MBP: variants seen among roughly 807,000 people sequenced by gnomAD.
The protein encoded by MBP is Golli-MBP.
Under a neutral mutation model 35.8 loss-of-function variants are expected in MBP, and 16 were observed. The observed-to-expected ratio is 0.45, with a 90% CI of 0.30 to 0.68. The LOEUF (loss-of-function observed/expected upper bound fraction) is 0.68. Among genes scored for constraint, MBP ranks in the 30% least tolerant of loss-of-function variants. The pLI, the probability that MBP is intolerant of heterozygous loss-of-function variation, is 0.08. For missense variants in MBP, 380 were observed against 404.7 expected, an observed-to-expected ratio of 0.94 and a Z score of 0.52; for synonymous variants, 143 against 159.6, an observed-to-expected ratio of 0.90 and a Z score of 0.78.
intron 2 of MBP, among the ~76,000 whole-genome samples, chr18:77,075,963 T>C (rs1047398867): frequency 1.3e-5 from 2 of 152,234 alleles, no homozygotes; most frequent in African/African-American, 4.8e-5. Context: ...CTGAATATCA[T>C]ACCTTAATGC....
chr18:77,014,357 T>C lies in MBP; in HGVS notation c.576+2475A>G, dbSNP rs939256065. 1.9e-5 allele frequency: 19 copies of C among 985,004 alleles called. No individual in the cohort carries two copies. In the African/African-American group the frequency reaches 2.1e-4, roughly 11 times the overall value. The allele number at this position is 985,004 out of a possible 1,614,324, so 61.0% of individuals were successfully genotyped here. A position where few individuals can be genotyped will look rare whatever the true frequency, so the allele number is the denominator to read the frequency against. On this transcript the variant is annotated intron_variant, in intron 4 of 8. Transcript: ENST00000355994. ...ACAAACAGCCCCTTTTATAGGGTCA[T>C]GGGGGGGCTCCACTCAGAGTCTGGC...
rs372970991 is a variant in MBP at position 77,019,986 on chromosome 18, G to A, written c.140-2718C>T. Among the ~76,000 whole-genome samples, 166 of 152,292 alleles carry A rather than the reference G, an allele frequency of 1.1e-3. 2 individuals are homozygous for A. The South Asian group carries it at 0.015, about 13-fold the overall frequency. On this transcript the variant is annotated intron_variant, in intron 3 of 8. Transcript: ENST00000355994. ...ACTGACCATCTGTGAGCAACAGCAG[G>A]GGTATCACAGCCTTGATGGCTGTGA...
In MBP at chr18:77,029,266, T is replaced by G. The variant is rs1483637840; in HGVS notation, c.140-11998A>C. 1.7e-4 allele frequency among the ~76,000 whole-genome samples: 25 copies of G among 147,908 alleles called. 1 individual carries two copies. In the East Asian group the frequency reaches 4.6e-3, roughly 27 times the overall value. On this transcript the variant is annotated intron_variant, in intron 3 of 8. Coordinates refer to ENST00000355994, the MANE Select transcript of MBP (RefSeq NM_001025101.2). ...TCCACCAAAAAAATACGAAAACCAGTCAGGCGTGGCGGCGCGCGCCTGCAA... is the reference window on the plus strand; with the variant it reads ...TCCACCAAAAAAATACGAAAACCAGGCAGGCGTGGCGGCGCGCGCCTGCAA...
chr18:76,989,702 G>T lies in MBP; in HGVS notation c.681+254C>A. On this transcript the variant is annotated intron_variant, in intron 5 of 8. Transcript: ENST00000355994. This position sits in a 1 kb window ranked among gnomAD's most constrained non-coding sequence, Gnocchi z 4.0. ...TTTTTAGGCTAAGCGTTACATGGGA[G>T]CCTAATCTCAAGAGAAGTGAGCTCT... 2.2e-6 allele frequency: 1 copy of T among 462,364 alleles called. No homozygotes were observed. The allele number at this position is 462,364 out of a possible 1,614,324, so 28.6% of individuals were successfully genotyped here.
intron 4 of MBP, among the ~76,000 whole-genome samples, chr18:77,002,279 C>T (rs1207721222): frequency 6.6e-6 from 1 of 152,372 alleles, no homozygotes; most frequent in South Asian, 2.1e-4. Context: ...ATGCACCCAT[C>T]AGCACTCGGC....
intron 3 of MBP, among the ~76,000 whole-genome samples, chr18:77,039,995 A>G (rs923085740): frequency 2.4e-4 from 37 of 152,320 alleles, no homozygotes; most frequent in African/African-American, 7.9e-4. Flanking sequence ...CATTGTTCGT[A>G]GAGTAGGAAA....
chr18:77,052,183 A>C (rs11150998), intron 3 of MBP, among the ~76,000 whole-genome samples: 121,422 of 151,956 alleles, frequency 0.8, 54,191 homozygotes, highest in Non-Finnish European at 0.99. Context: ...CAACAGCCAC[A>C]CAACAGAGTC....
rs201474004 is a variant in MBP, at chr18:76,988,949, G to T, written c.682-37C>A. On this transcript the variant is annotated intron_variant, in intron 5 of 8. Transcript: ENST00000355994. The surrounding 1 kb of genome is among the most constrained non-coding windows in gnomAD (Gnocchi z 5.2). ...CAGAGAACCGTGGGCTGCACTGGGA[G>T]CCCTGTGCCGCCGTCCATTTCCTAA... The T allele has an allele frequency of 8.7e-6, 14 of 1,602,394 alleles. No homozygotes were observed. The South Asian group carries it at 1.5e-4, about 18-fold the overall frequency.
intron 2 of MBP, chr18:77,068,889 T>A (rs2144823463): frequency 2.2e-6 from 1 of 454,162 alleles, no homozygotes; most frequent in Admixed American, 2.4e-5. Flanking sequence ...GAATAAACAC[T>A]CTCAGCCTCT....
At chr18:77,036,841 G>T (rs28424014) in intron 3 of MBP, among the ~76,000 whole-genome samples, 1 of 141,534 alleles carries the variant, frequency 7.1e-6, no homozygotes, top group Non-Finnish European at 1.5e-5. Context: ...GCAAGTGCTG[G>T]TCACATTTTG....
rs977141398 is a variant in MBP, at chr18:77,131,977, A to G, written c.-26+603T>C. 7.2e-5 allele frequency among the ~76,000 whole-genome samples: 11 copies of G among 152,118 alleles called. No individual in the cohort carries two copies. Among genetic ancestry groups the G allele is most frequent in the Non-Finnish European group, 1.5e-4 (10 of 67,986 alleles). On this transcript the variant is annotated intron_variant, in intron 1 of 8. Transcript: ENST00000355994. This position sits in a 1 kb window ranked among gnomAD's most constrained non-coding sequence, Gnocchi z 5.5. ...CTGGCCGCCCCTGGAGCTCAGAGGG[A>G]GACTGCGCTTCGCCCCGGGGGCAGG...
chr18:77,089,363 A>G (rs1342605479), intron 2 of MBP, among the ~76,000 whole-genome samples: 2 of 152,244 alleles, frequency 1.3e-5, no homozygotes, highest in South Asian at 2.1e-4. Context: ...TTATCCAGGT[A>G]TGCCCTGATC....
rs550506606 is a variant in MBP, at chr18:77,101,563, GACCCTCA to G, written c.51+3641_51+3647del. Among the ~76,000 whole-genome samples the G allele has an allele frequency of 2.0e-3, 283 of 138,446 alleles. No individual in the cohort carries two copies. Among genetic ancestry groups the G allele is most frequent in the Admixed American group, 3.6e-3 (49 of 13,584 alleles). The allele number at this position is 138,446 out of a possible 152,430, so 90.8% of individuals were successfully genotyped here. ...GCCTGAATCTGATGTCTCCTGTTCT[GACCCTCA>G]ACTGGCCCAGGAAGGTGGCTCAACC... On this transcript the variant is annotated intron_variant, in intron 2 of 8. Coordinates refer to ENST00000355994, the MANE Select transcript of MBP (RefSeq NM_001025101.2). The surrounding 1 kb of genome is among the most constrained non-coding windows in gnomAD (Gnocchi z 4.3).
At chr18:77,014,195 A>T in intron 4 of MBP, 1 of 985,438 alleles carries the variant, frequency 1.0e-6, no homozygotes, top group Non-Finnish European at 1.2e-6. Context: ...ACTTTTCTTG[A>T]ATGTCAGCTC....
At chr18:77,081,104 TAG>T (rs1202481697) in intron 2 of MBP, among the ~76,000 whole-genome samples, 2 of 151,854 alleles carry the variant, frequency 1.3e-5, no homozygotes, top group African/African-American at 4.8e-5. Context: ...CACTCAGGAG[TAG>T]AGACTGACTG....
chr18:77,064,061 T>A (rs944479911), intron 3 of MBP, among the ~76,000 whole-genome samples: 1 of 152,252 alleles, frequency 6.6e-6, no homozygotes, highest in Non-Finnish European at 1.5e-5. Flanking sequence ...TAGAACTCAC[T>A]TTTATTTATG....
chr18:77,017,176 G>T lies in MBP; in HGVS notation c.232C>A (p.Gln78Lys). The change falls in exon 4 of 9, where the codon CAG becomes AAG. Residue 78 changes from glutamine (Q) to lysine (K), a missense_variant. Transcript: ENST00000355994. The stretch of plus-strand genomic sequence containing the variant: ...CCTGGGTCAGCTGGGTGGGCATCCT[G>T]CCAGGCATTCTTCGGGTCCGCTGTG... ...KRTADPKNAW[Q>K]DAHPADPGSR... 6.5e-7 allele frequency: 1 copy of T among 1,544,278 alleles called. No individual in the cohort carries two copies. The highest frequency in any genetic ancestry group is 1.2e-5 in the South Asian group (1 of 80,620).
At chr18:77,088,548 G>A (rs1004219489) in intron 2 of MBP, among the ~76,000 whole-genome samples, 18 of 152,148 alleles carry the variant, frequency 1.2e-4, no homozygotes, top group Non-Finnish European at 1.8e-4. Context: ...TGATGCATGC[G>A]TATGATAATA....
chr18:76,987,862 A>G (rs1969647064), intron 7 of MBP: 4 of 1,040,928 alleles, frequency 3.8e-6, no homozygotes, highest in Non-Finnish European at 1.2e-6. Context: ...TAGAAAGTTC[A>G]AATTGGCCAT....
Sources: gnomAD v4.1 joint callset for allele counts (sites outside exome capture counted in the v4.1 genomes callset) on GRCh38, gnomAD v4.1.1 for gene constraint, Gnocchi (gnomAD v3.1) non-coding constraint, MANE v1.5 for transcripts, NCBI Gene and HGNC (gene_info 2026-07-23, HGNC 2026-07-21) for gene names.